VPS13B: variants seen among roughly 807,000 people sequenced by gnomAD.
The protein encoded by VPS13B is vacuolar protein sorting 13 homolog B, also known as intermembrane lipid transfer protein VPS13B.
VPS13B carries 285 observed loss-of-function variants against 426.4 expected under a neutral mutation model. The observed-to-expected ratio is 0.67, with a 90% CI of 0.61 to 0.74. The LOEUF is 0.74. Among genes scored for constraint, VPS13B ranks in the 30% least tolerant of loss-of-function variants. VPS13B has a pLI of 0.00. For missense variants in VPS13B, 4,537 were observed against 4,782.6 expected, an observed-to-expected ratio of 0.95 and a Z score of 1.51; for synonymous variants, 1,676 against 1,676.4, an observed-to-expected ratio of 1.00 and a Z score of 0.01.
chr8:99,789,821 G>A (rs1812456341), intron 43 of VPS13B, among the ~76,000 whole-genome samples: 1 of 152,030 alleles, frequency 6.6e-6, no homozygotes, highest in South Asian at 2.1e-4. Context: ...TGTATACAAT[G>A]TGATCATAAC....
At chr8:99,825,287 A>T (rs1018748709) in intron 51 of VPS13B, among the ~76,000 whole-genome samples, 2 of 152,190 alleles carry the variant, frequency 1.3e-5, no homozygotes, top group African/African-American at 4.8e-5. Flanking sequence ...ATGAGATGGT[A>T]TCTCATTGTC....
chr8:99,525,333 A>G (rs1326312877), intron 30 of VPS13B, among the ~76,000 whole-genome samples: 1 of 152,198 alleles, frequency 6.6e-6, no homozygotes, highest in Non-Finnish European at 1.5e-5. Context: ...TTGTTTATGC[A>G]ATCAGTGTTG....
At chr8:99,352,699 C>T (rs778904635) in intron 19 of VPS13B, among the ~76,000 whole-genome samples, 1 of 151,804 alleles carries the variant, frequency 6.6e-6, no homozygotes, top group Non-Finnish European at 1.5e-5. Flanking sequence ...TAGCGGGCGC[C>T]TCTAATCCTA....
At chr8:99,505,749 G>T (rs978595860) in intron 27 of VPS13B, among the ~76,000 whole-genome samples, 1 of 152,044 alleles carries the variant, frequency 6.6e-6, no homozygotes. Flanking sequence ...GCTGCTGATG[G>T]ATTTACTCAA....
intron 29 of VPS13B, among the ~76,000 whole-genome samples, chr8:99,516,310 G>A (rs1420534572): frequency 6.6e-6 from 1 of 152,106 alleles, no homozygotes; most frequent in Non-Finnish European, 1.5e-5. Context: ...GAGATTGGAT[G>A]TGTCCATTTA....
intron 3 of VPS13B, among the ~76,000 whole-genome samples, chr8:99,041,556 C>G (rs1842963988): frequency 6.6e-6 from 1 of 152,040 alleles, no homozygotes; most frequent in Non-Finnish European, 1.5e-5. Flanking sequence ...TTTCTTTGAT[C>G]ATTGAATTAA....
At chr8:99,342,007 T>C (rs1413083883) in intron 19 of VPS13B, among the ~76,000 whole-genome samples, 2 of 152,236 alleles carry the variant, frequency 1.3e-5, no homozygotes, top group African/African-American at 4.8e-5. Flanking sequence ...ATTCCAGTTT[T>C]ATGAATACAA....
chr8:99,639,796 C>T (rs1206365459), intron 33 of VPS13B, among the ~76,000 whole-genome samples: 1 of 148,768 alleles, frequency 6.7e-6, no homozygotes, highest in East Asian at 2.0e-4. Flanking sequence ...CACTATGAGA[C>T]CTCATTTCTA....
chr8:99,815,116 C>A (rs1813947521), intron 44 of VPS13B, among the ~76,000 whole-genome samples: 3 of 103,638 alleles, frequency 2.9e-5, no homozygotes, highest in South Asian at 5.9e-4. Flanking sequence ...CATGCATGCA[C>A]ACATGTACAT....
At chr8:99,211,469 G>A (rs1331038652) in intron 17 of VPS13B, among the ~76,000 whole-genome samples, 30 of 152,170 alleles carry the variant, frequency 2.0e-4, no homozygotes, top group Admixed American at 2.0e-3. Context: ...GCCCCTGGCA[G>A]GTCAGGATTT....
chr8:99,096,176 T>G, intron 3 of VPS13B, 136 bp from the exon 4 acceptor site: 1 of 998,782 alleles, frequency 1.0e-6, no homozygotes, highest in Non-Finnish European at 1.4e-6. Context: ...GTTATGTAGT[T>G]TTTAGAGCTA....
intron 33 of VPS13B, among the ~76,000 whole-genome samples, chr8:99,638,455 G>C (rs953635318): frequency 6.6e-6 from 1 of 152,150 alleles, no homozygotes; most frequent in African/African-American, 2.4e-5. Context: ...CCCTGAGACA[G>C]AATATAGTGT....
chr8:99,271,195 AACTACTACTACTACTACTACT>A (rs10538522), intron 17 of VPS13B, among the ~76,000 whole-genome samples: 8 of 145,230 alleles, frequency 5.5e-5, no homozygotes, highest in East Asian at 2.0e-4. Flanking sequence ...TGCTACCACT[AACTACTACTACTACTACTACT>A]ACTACTACTA....
At chr8:99,650,935 A>G (rs1829791314) in intron 34 of VPS13B, among the ~76,000 whole-genome samples, 1 of 152,174 alleles carries the variant, frequency 6.6e-6, no homozygotes, top group Non-Finnish European at 1.5e-5. Flanking sequence ...ATACAGCATA[A>G]CAACTATTTA....
intron 17 of VPS13B, among the ~76,000 whole-genome samples, chr8:99,221,557 G>GA (rs1029920720): frequency 2.0e-5 from 3 of 152,114 alleles, no homozygotes; most frequent in African/African-American, 7.2e-5. Context: ...CTGTTACACA[G>GA]AAAAAAACAT....
At chr8:99,029,458 C>G (rs1008677976) in intron 2 of VPS13B, among the ~76,000 whole-genome samples, 1 of 152,030 alleles carries the variant, frequency 6.6e-6, no homozygotes. Context: ...GCCGAGATCA[C>G]GCCACTGCAC....
Position 99,138,141 on chromosome 8 carries a change from A to AT in VPS13B, c.1651+1390dup, listed in dbSNP as rs1374342479. On this transcript the variant is annotated intron_variant, in intron 12 of 61. Transcript: ENST00000357162. Reference sequence around the variant, plus strand: ...ATCATCTCTAGATTCTAATATATATATATTTTTTGAGACAGAGTTTTGCTC... The same window carrying AT: ...ATCATCTCTAGATTCTAATATATATATTATTTTTTGAGACAGAGTTTTGCTC... Among the ~76,000 whole-genome samples the AT allele has an allele frequency of 4.6e-5, 7 of 151,660 alleles. No individual in the cohort carries two copies. The East Asian group carries it at 1.4e-3, about 29-fold the overall frequency.
intron 21 of VPS13B, among the ~76,000 whole-genome samples, chr8:99,398,334 A>C (rs1814849474): frequency 6.6e-6 from 1 of 152,222 alleles, no homozygotes; most frequent in African/African-American, 2.4e-5. Context: ...TATGAGAAGT[A>C]GGCAACAAAG....
chr8:99,485,239 C>G (rs1820240991), intron 25 of VPS13B, among the ~76,000 whole-genome samples: 1 of 152,100 alleles, frequency 6.6e-6, no homozygotes, highest in South Asian at 2.1e-4. Flanking sequence ...GCTTGCTGTA[C>G]CATAGTAGCC....
Sources: gnomAD v4.1 joint callset for allele counts (sites outside exome capture counted in the v4.1 genomes callset) on GRCh38, gnomAD v4.1.1 for gene constraint, MANE v1.5 for transcripts, NCBI Gene and HGNC (gene_info 2026-07-23, HGNC 2026-07-21) for gene names.